The following GRID2 variants were observed in gnomAD, a reference collection of about 807,000 sequenced individuals.
GRID2 encodes the protein glutamate ionotropic receptor delta type subunit 2.
A neutral mutation model predicts 114.8 loss-of-function variants in GRID2; 33 were observed. That is an observed-to-expected ratio of 0.29 (90% CI 0.22 to 0.38). The LOEUF is 0.38. GRID2 is among the 10% of genes least tolerant of loss of function. GRID2 has a pLI of 1.00. For missense variants in GRID2, 1,184 were observed against 1,257.7 expected (o/e 0.94, Z 0.89); for synonymous variants, 505 against 449.9 (o/e 1.12, Z -1.55).
At chr4:93,125,403 A>G (rs1734176024) in intron 4 of GRID2, among the ~76,000 whole-genome samples, 1 of 151,952 alleles carries the variant, frequency 6.6e-6, no homozygotes, top group Admixed American at 6.6e-5. Flanking sequence ...ATATTTATAT[A>G]TGTTATAAAA....
At chr4:92,922,625 G>T (rs1324178843) in intron 2 of GRID2, among the ~76,000 whole-genome samples, 3 of 152,154 alleles carry the variant, frequency 2.0e-5, no homozygotes, top group African/African-American at 4.8e-5. Context: ...AACTCACTAT[G>T]TAATAGTCCA....
intron 7 of GRID2, among the ~76,000 whole-genome samples, chr4:93,234,358 G>A (rs1443522987): frequency 6.6e-6 from 1 of 151,932 alleles, no homozygotes; most frequent in African/African-American, 2.4e-5. Context: ...AGTTTACATA[G>A]TCCAAAGGAA....
chr4:93,157,970 G>A (rs752250289), intron 4 of GRID2, among the ~76,000 whole-genome samples: 21 of 151,814 alleles, frequency 1.4e-4, no homozygotes, highest in Non-Finnish European at 2.1e-4. Context: ...ATAACAGAGC[G>A]TTAAGCCAAG....
chr4:92,452,915 A>G (rs1415475119), intron 1 of GRID2, among the ~76,000 whole-genome samples: 3 of 143,246 alleles, frequency 2.1e-5, no homozygotes, highest in African/African-American at 5.0e-5. Flanking sequence ...GTATGTTTCT[A>G]TATATGATAC....
chr4:92,745,410 GC>G (rs1339364096), intron 2 of GRID2, among the ~76,000 whole-genome samples: 1 of 151,722 alleles, frequency 6.6e-6, no homozygotes. Flanking sequence ...TCTCTTCTTT[GC>G]CTAGGCATAT....
intron 13 of GRID2, among the ~76,000 whole-genome samples, chr4:93,617,750 A>C (rs1741824048): frequency 6.6e-6 from 1 of 152,148 alleles, no homozygotes; most frequent in Non-Finnish European, 1.5e-5. Flanking sequence ...GACTGTTAAT[A>C]CTCATGAATA....
intron 12 of GRID2, among the ~76,000 whole-genome samples, chr4:93,503,786 C>A (rs1728366749): frequency 6.6e-6 from 1 of 151,938 alleles, no homozygotes; most frequent in African/African-American, 2.4e-5. Context: ...ACTTTTATAT[C>A]AACTATACCA....
chr4:93,598,834 G>T (rs1739378420), intron 13 of GRID2, among the ~76,000 whole-genome samples: 1 of 152,062 alleles, frequency 6.6e-6, no homozygotes, highest in Admixed American at 6.6e-5. Flanking sequence ...GCATATCTGT[G>T]TGCAGAGAAG....
intron 13 of GRID2, among the ~76,000 whole-genome samples, chr4:93,562,394 A>C (rs1306095928): frequency 6.6e-6 from 1 of 151,888 alleles, no homozygotes. Context: ...TCAGGTCATT[A>C]ATTTTCTTAG....
chr4:93,078,140 T>C (rs1232185716), intron 2 of GRID2, among the ~76,000 whole-genome samples: 1 of 152,194 alleles, frequency 6.6e-6, no homozygotes, highest in Non-Finnish European at 1.5e-5. Context: ...GGTATTTCAT[T>C]GTCTCTGTGT....
intron 1 of GRID2, among the ~76,000 whole-genome samples, chr4:92,365,895 T>C (rs2110209315): frequency 6.6e-6 from 1 of 152,218 alleles, no homozygotes; most frequent in Non-Finnish European, 1.5e-5. Context: ...TTGCTACCTT[T>C]ATTCAACCTC....
chr4:92,730,100 A>C (rs1305356507), intron 2 of GRID2, among the ~76,000 whole-genome samples: 1 of 152,002 alleles, frequency 6.6e-6, no homozygotes, highest in African/African-American at 2.4e-5. Context: ...CAAAATAATT[A>C]TATCACATAG....
At chr4:93,188,827 C>A (rs564327995) in intron 4 of GRID2, among the ~76,000 whole-genome samples, 2 of 152,132 alleles carry the variant, frequency 1.3e-5, no homozygotes, top group Non-Finnish European at 2.9e-5. Context: ...CCCTGGGACA[C>A]GATTCAGTCA....
At chr4:92,649,315 C>A (rs112723232) in intron 2 of GRID2, among the ~76,000 whole-genome samples, 1 of 149,442 alleles carries the variant, frequency 6.7e-6, no homozygotes. Flanking sequence ...GCTTGAGAAC[C>A]AGACGAGGCA....
At chr4:93,174,200 C>T (rs180962147) in intron 4 of GRID2, among the ~76,000 whole-genome samples, 10 of 152,142 alleles carry the variant, frequency 6.6e-5, no homozygotes, top group Admixed American at 2.0e-4. Context: ...ATGTGATCAC[C>T]GCCACAGCCA....
intron 8 of GRID2, among the ~76,000 whole-genome samples, chr4:93,281,789 G>A (rs1279871921): frequency 6.6e-6 from 1 of 151,832 alleles, no homozygotes; most frequent in East Asian, 1.9e-4. Flanking sequence ...GAGAAAGCTA[G>A]GAATCATGTA....
chr4:92,482,964 T>C (rs1560661363), intron 1 of GRID2, among the ~76,000 whole-genome samples: 1 of 152,178 alleles, frequency 6.6e-6, no homozygotes, highest in East Asian at 1.9e-4. Context: ...AACATAGGAT[T>C]GTATCCATAC....
At chr4:92,674,099 T>G (rs966105361) in intron 2 of GRID2, among the ~76,000 whole-genome samples, 18 of 152,212 alleles carry the variant, frequency 1.2e-4, no homozygotes, top group African/African-American at 3.9e-4. Flanking sequence ...TGTGTTGAAT[T>G]GAGTGCTTTT....
Position 93,110,882 on chromosome 4 carries a change from C to A in GRID2, c.664C>A (p.Arg222Ser), listed in dbSNP as rs371291019. 12 of 1,612,218 alleles carry A rather than the reference C, an allele frequency of 7.4e-6. No homozygotes were observed. Among genetic ancestry groups the A allele is most frequent in the Non-Finnish European group, 9.3e-6 (11 of 1,178,418 alleles). The change falls in exon 4 of 16, where the codon CGC becomes AGC. Residue 222 changes from arginine to serine, a missense_variant. Physicochemically the swap from Arg to Ser is moderately radical, Grantham distance 110 (BLOSUM62 -1). Around this residue, in one of 3 missense-constraint regions of GRID2, gnomAD observed 455 missense variants for 429.5 expected, o/e 1.06. Transcript: ENST00000282020. Reference sequence around the variant, plus strand: ...CACCATGAGAATAGAAGAACTGAATCGCTATCGAGACACTCTTAGGCGAGC... The same window carrying A: ...CACCATGAGAATAGAAGAACTGAATAGCTATCGAGACACTCTTAGGCGAGC... ...FDTMRIEELN[R>S]YRDTLRRAIL...
Sources: allele counts gnomAD v4.1 joint callset (sites outside exome capture counted in the v4.1 genomes callset), GRCh38; gene constraint gnomAD v4.1.1; regional missense constraint gnomAD v4.1.1; transcripts MANE v1.5; gene names NCBI Gene and HGNC (gene_info 2026-07-23, HGNC 2026-07-21).